The following POR variants were observed in gnomAD, a reference collection of about 807,000 sequenced individuals.
POR encodes NADPH--cytochrome P450 reductase.
In POR, 56 loss-of-function variants were observed where a neutral mutation model predicts 84.0. That is an observed-to-expected ratio of 0.67 (90% confidence interval 0.54 to 0.83). POR has a LOEUF of 0.83. Among genes scored for constraint, POR ranks in the 40% least tolerant of loss-of-function variants. The pLI is 0.00. For missense variants in POR, 938 were observed against 944.3 expected (o/e 0.99, Z 0.09); for synonymous variants, 414 against 400.5 (o/e 1.03, Z -0.40).
intron 1 of POR, among the ~76,000 whole-genome samples, chr7:75,924,486 A>G (rs562940265): frequency 1.3e-5 from 2 of 152,288 alleles, no homozygotes; most frequent in East Asian, 1.9e-4. Flanking sequence ...ATTCAAGACC[A>G]TCCTGGGCCA....
chr7:75,916,038 T>C (rs1806549704), intron 1 of POR, among the ~76,000 whole-genome samples: 1 of 152,134 alleles, frequency 6.6e-6, no homozygotes, highest in East Asian at 1.9e-4. Flanking sequence ...GCCTCTGAGC[T>C]TGGCCAAGCT....
At chr7:75,942,553 CAA>C (rs1786968772) in intron 1 of POR, among the ~76,000 whole-genome samples, 1 of 150,986 alleles carries the variant, frequency 6.6e-6, no homozygotes, top group South Asian at 2.1e-4. Context: ...GAGAGCTGCT[CAA>C]TTGTACAGTT....
At chr7:75,983,340 CAA>C (rs41299532) in intron 8 of POR, 178 bp from the exon 9 acceptor site, 13,720 of 387,462 alleles carry the variant, frequency 0.035, no homozygotes, top group South Asian at 0.065. Context: ...AACTCTGTCT[CAA>C]AAAAAAAAAA....
At chr7:75,973,113 G>A (rs1444398411) in intron 3 of POR, among the ~76,000 whole-genome samples, 3 of 151,914 alleles carry the variant, frequency 2.0e-5, no homozygotes, top group Non-Finnish European at 4.4e-5. Flanking sequence ...GTGAACCACC[G>A]CACCCAGCCA....
At chr7:75,981,425 G>A in intron 6 of POR, 92 bp from the exon 7 acceptor site, 1 of 1,326,802 alleles carries the variant, frequency 7.5e-7, no homozygotes, top group South Asian at 1.3e-5. Flanking sequence ...TGAGCTTTGG[G>A]GATGGGGTGG....
chr7:75,937,274 G>C (rs1457507092), intron 1 of POR, among the ~76,000 whole-genome samples: 1 of 147,744 alleles, frequency 6.8e-6, no homozygotes, highest in African/African-American at 2.5e-5. Context: ...GGACAACGTG[G>C]TGAAACCCCA....
intron 1 of POR, among the ~76,000 whole-genome samples, chr7:75,925,817 A>C (rs1171536908): frequency 6.6e-6 from 1 of 152,076 alleles, no homozygotes; most frequent in African/African-American, 2.4e-5. Flanking sequence ...GCTCGGTTGT[A>C]AATTCTGTAA....
intron 1 of POR, among the ~76,000 whole-genome samples, chr7:75,953,102 C>T (rs1244586925): frequency 1.3e-5 from 2 of 152,118 alleles, no homozygotes; most frequent in Admixed American, 1.3e-4. Context: ...GGATCACTCG[C>T]GGTTAGGAGC....
intron 1 of POR, among the ~76,000 whole-genome samples, chr7:75,936,872 G>A (rs1807716117): frequency 6.9e-6 from 1 of 144,868 alleles, no homozygotes; most frequent in Admixed American, 7.0e-5. Context: ...TGTCACCCAG[G>A]CTGGAGTGCA....
chr7:75,974,285 G>A (rs1788573158), intron 3 of POR, among the ~76,000 whole-genome samples: 1 of 152,094 alleles, frequency 6.6e-6, no homozygotes, highest in Non-Finnish European at 1.5e-5. Flanking sequence ...CGTGATAGAA[G>A]CTACAAATCG....
At chr7:75,925,959 G>T (rs1807094293) in intron 1 of POR, among the ~76,000 whole-genome samples, 1 of 151,728 alleles carries the variant, frequency 6.6e-6, no homozygotes, top group South Asian at 2.1e-4. Flanking sequence ...CCAGTCCAAA[G>T]TGAAGGTTCT....
At chr7:75,970,455 C>G (rs1788380982) in intron 2 of POR, among the ~76,000 whole-genome samples, 1 of 151,896 alleles carries the variant, frequency 6.6e-6, no homozygotes, top group African/African-American at 2.4e-5. Context: ...AGGGATCCTC[C>G]CACCTCAGCC....
chr7:75,982,533 C>T (rs1554558266), intron 8 of POR, among the ~76,000 whole-genome samples: 1 of 152,246 alleles, frequency 6.6e-6, no homozygotes, highest in Non-Finnish European at 1.5e-5. Context: ...AGCCACCTTA[C>T]TCTGCACTGC....
At chr7:75,946,802 T>C (rs1787194037) in intron 1 of POR, 1 of 152,224 alleles carries the variant, frequency 6.6e-6, no homozygotes, top group African/African-American at 2.4e-5. Flanking sequence ...GATTAAAGAC[T>C]CTTTCAGGGC....
rs1563435308 is a variant in POR, at chr7:75,985,693, GAGA to G, written c.1515_1517del (p.Glu505_Asn506delinsAsp). On this transcript the variant is annotated inframe_deletion, in exon 13 of 16. Transcript: ENST00000461988. ...GCTGCGGGCCAAGGAGCCTGCCGGG[GAGA>G]ACGGCGGCCGTGCGCTGGTGCCCAT... is the stretch of plus-strand genomic sequence containing the variant. 1 of 1,591,368 alleles carries G rather than the reference GAGA, an allele frequency of 6.3e-7. No homozygotes were observed. Among genetic ancestry groups the G allele is most frequent in the African/African-American group, 1.3e-5 (1 of 74,704 alleles).
chr7:75,983,748 G>A lies in POR; in HGVS notation c.958G>A (p.Gly320Arg). Residue 320 changes from glycine (G) to arginine (R), a missense_variant, in exon 10 of 16, where the codon GGG becomes AGG. Coordinates refer to ENST00000461988, the MANE Select transcript of POR (RefSeq NM_000941.3). Reference sequence around the variant, plus strand: ...CACATCTCCCTCCAGGTATGAATCTGGGGACCACGTGGCTGTGTACCCAGC... The same window carrying A: ...CACATCTCCCTCCAGGTATGAATCTAGGGACCACGTGGCTGTGTACCCAGC... 2 of 1,612,338 alleles carry A rather than the reference G, an allele frequency of 1.2e-6. No individual in the cohort carries two copies. The highest frequency in any genetic ancestry group is 1.7e-6 in the Non-Finnish European group (2 of 1,179,632).
In POR at chr7:75,982,334, GA is replaced by G. The variant is rs782512095; in HGVS notation, c.830+13del. 8 of 1,604,748 alleles carry G rather than the reference GA, an allele frequency of 5.0e-6. No individual in the cohort carries two copies. In the African/African-American group the frequency reaches 8.0e-5, roughly 16 times the overall value. ...GAGAACCAGAAGCCGTGAGTGGAGG[GA>G]GCGTGGCTTGGGGCAGACGGCTCTA... On this transcript the variant is annotated intron_variant, in intron 8 of 15. Coordinates refer to ENST00000461988, the MANE Select transcript of POR (RefSeq NM_000941.3).
At chr7:75,968,293 G>C (rs1788276656) in intron 2 of POR, 2 of 467,948 alleles carry the variant, frequency 4.3e-6, no homozygotes, top group African/African-American at 4.0e-5. Context: ...CCATTCCCAG[G>C]GTTGCTGCCC....
rs782599170 is a variant in POR, at chr7:75,981,510, G to A, written c.642-7G>A. 12 of 1,610,012 alleles carry A rather than the reference G, an allele frequency of 7.5e-6. No individual in the cohort carries two copies. The highest frequency in any genetic ancestry group is 4.0e-5 in the African/African-American group (3 of 74,884). On this transcript the variant is annotated splice_polypyrimidine_tract_variant and splice_region_variant and intron_variant, in intron 6 of 15. Transcript: ENST00000461988. ...GAGCCGCTCCCCCTCTCCTCTCCTC[G>A]GCCCAGCTTGGAGGAGGACTTCATC...
Sources: gnomAD v4.1 joint callset for allele counts (sites outside exome capture counted in the v4.1 genomes callset) on GRCh38, gnomAD v4.1.1 for gene constraint, MANE v1.5 for transcripts, NCBI Gene and HGNC (gene_info 2026-07-23, HGNC 2026-07-21) for gene names.